The following MAP2K5 variants were observed in gnomAD, a reference collection of about 807,000 sequenced individuals.
MAP2K5 encodes the protein dual specificity mitogen-activated protein kinase kinase 5.
A neutral mutation model predicts 83.1 loss-of-function variants in MAP2K5; 49 were observed. The observed-to-expected ratio is 0.59, with a 90% CI of 0.47 to 0.75. The LOEUF (loss-of-function observed/expected upper bound fraction) is 0.75, where lower values mean the gene tolerates loss of function less well. Ranked by LOEUF, MAP2K5 falls within the 30% of genes least tolerant of loss-of-function variation. MAP2K5 has a pLI of 0.00. For synonymous variants in MAP2K5, 202 were observed against 191.8 expected (o/e 1.05, Z -0.44); for missense variants, 457 against 557.5 (o/e 0.82, Z 1.82).
chr15:67,710,158 C>G (rs2088656626), intron 16 of MAP2K5, among the ~76,000 whole-genome samples: 1 of 152,176 alleles, frequency 6.6e-6, no homozygotes, highest in Non-Finnish European at 1.5e-5. Flanking sequence ...CCGCACCCAT[C>G]TGAAAGCCCC....
intron 13 of MAP2K5, among the ~76,000 whole-genome samples, chr15:67,685,046 A>G (rs11854197): frequency 0.37 from 56,225 of 152,100 alleles, 12,005 homozygotes; most frequent in Non-Finnish European, 0.5. Flanking sequence ...ATTTGAAGAA[A>G]TAATGGCTGA....
At chr15:67,699,950 A>G (rs989717621) in intron 15 of MAP2K5, among the ~76,000 whole-genome samples, 1 of 146,318 alleles carries the variant, frequency 6.8e-6, no homozygotes, top group Non-Finnish European at 1.5e-5. Context: ...CTGTCTGCCT[A>G]CACAGGGATC....
At chr15:67,670,542 A>G (rs1327306845) in intron 13 of MAP2K5, 3 of 444,914 alleles carry the variant, frequency 6.7e-6, no homozygotes, top group East Asian at 1.4e-4. Flanking sequence ...CTCTTCTTAC[A>G]TCTTAGCAGT....
intron 4 of MAP2K5, among the ~76,000 whole-genome samples, chr15:67,585,033 G>C (rs1316861236): frequency 7.5e-6 from 1 of 134,192 alleles, no homozygotes; most frequent in Non-Finnish European, 1.6e-5. Flanking sequence ...TCTATTTCTT[G>C]TTGTCAGAAA....
intron 7 of MAP2K5, among the ~76,000 whole-genome samples, chr15:67,593,497 AC>A (rs2085458518): frequency 6.6e-6 from 1 of 152,172 alleles, no homozygotes; most frequent in Non-Finnish European, 1.5e-5. Flanking sequence ...TGAGGGACAA[AC>A]AAGCCTTCAG....
chr15:67,653,762 G>A (rs2087005570), intron 11 of MAP2K5, among the ~76,000 whole-genome samples: 1 of 151,730 alleles, frequency 6.6e-6, no homozygotes, highest in Non-Finnish European at 1.5e-5. Context: ...TCTGTTTAAG[G>A]TAGCAAGTTA....
chr15:67,555,356 A>G lies in MAP2K5; in HGVS notation c.184+5274A>G, dbSNP rs1034697440. ...ACCAACAGAGTGAGAACCCACTACC[A>G]TAGAGAGGGCACTGAGTCATTCATG... On this transcript the variant is annotated intron_variant, in intron 2 of 21. Transcript: ENST00000178640. The surrounding 1 kb of genome is among the most constrained non-coding windows in gnomAD (Gnocchi z 5.2). 2.0e-5 allele frequency among the ~76,000 whole-genome samples: 3 copies of G among 152,182 alleles called. No individual in the cohort carries two copies. The highest frequency in any genetic ancestry group is 2.9e-5 in the Non-Finnish European group (2 of 68,022).
At position 67,717,782 on chromosome 15, in the gene MAP2K5, A is replaced by G. The variant is rs1056226410; in HGVS notation, c.1045-10134A>G. 2.0e-5 allele frequency among the ~76,000 whole-genome samples: 3 copies of G among 152,052 alleles called. No homozygotes were observed. The highest frequency in any genetic ancestry group is 7.2e-5 in the African/African-American group (3 of 41,406). On this transcript the variant is annotated intron_variant, in intron 16 of 21. Coordinates refer to ENST00000178640, the MANE Select transcript of MAP2K5 (RefSeq NM_145160.3). This position sits in a 1 kb window ranked among gnomAD's most constrained non-coding sequence, Gnocchi z 4.1. ...GGAGTGGCTGGGACCCTCCTCTCCC[A>G]TCTCCCCTTCATGGCTAGCTTAGAC...
chr15:67,544,093 T>G (rs1289049264), intron 1 of MAP2K5, among the ~76,000 whole-genome samples: 1 of 152,222 alleles, frequency 6.6e-6, no homozygotes, highest in African/African-American at 2.4e-5. Context: ...AGAGACGAGG[T>G]ATTGCCATGT....
chr15:67,664,783 A>C (rs1298775349), intron 13 of MAP2K5, 138 bp downstream of exon 13: 4 of 503,472 alleles, frequency 7.9e-6, no homozygotes, highest in African/African-American at 7.8e-5. Flanking sequence ...CTGCTCTATA[A>C]ATGTTATTTT....
At chr15:67,597,610 C>T (rs981955433) in intron 7 of MAP2K5, among the ~76,000 whole-genome samples, 1 of 152,206 alleles carries the variant, frequency 6.6e-6, no homozygotes, top group Non-Finnish European at 1.5e-5. Flanking sequence ...AATGAACACT[C>T]TTCCTATGCT....
intron 16 of MAP2K5, among the ~76,000 whole-genome samples, chr15:67,710,099 C>G (rs996971483): frequency 1.3e-5 from 2 of 152,156 alleles, no homozygotes; most frequent in Non-Finnish European, 2.9e-5. Flanking sequence ...TGGGTTCAAG[C>G]GATCCTCCCT....
At chr15:67,701,326 A>G (rs1407580763) in intron 15 of MAP2K5, among the ~76,000 whole-genome samples, 1 of 152,234 alleles carries the variant, frequency 6.6e-6, no homozygotes, top group East Asian at 1.9e-4. Flanking sequence ...AACATGTATT[A>G]CATTCCTTCA....
rs1156814903 is a variant in MAP2K5 at position 67,778,641 on chromosome 15, G to T, written c.1242+5889G>T. On this transcript the variant is annotated intron_variant, in intron 21 of 21. Coordinates refer to ENST00000178640, the MANE Select transcript of MAP2K5 (RefSeq NM_145160.3). This position sits in a 1 kb window ranked among gnomAD's most constrained non-coding sequence, Gnocchi z 5.0. Reference sequence around the variant, plus strand: ...AAAGATGGAAAAGGATCTTACCTCTGTGAGAGCAGGGTGATCCTTTGCGGT... The same window carrying T: ...AAAGATGGAAAAGGATCTTACCTCTTTGAGAGCAGGGTGATCCTTTGCGGT... Among the ~76,000 whole-genome samples the T allele has an allele frequency of 6.6e-6, 1 of 152,200 alleles. No homozygotes were observed. Among genetic ancestry groups the T allele is most frequent in the Non-Finnish European group, 1.5e-5 (1 of 68,036 alleles).
intron 19 of MAP2K5, among the ~76,000 whole-genome samples, chr15:67,759,112 A>G (rs2089898943): frequency 6.6e-6 from 1 of 152,186 alleles, no homozygotes; most frequent in Admixed American, 6.6e-5. Flanking sequence ...TTTGGCTCTT[A>G]AATGTGTTAT....
At chr15:67,544,725 G>C (rs1191120170) in intron 1 of MAP2K5, among the ~76,000 whole-genome samples, 2 of 152,168 alleles carry the variant, frequency 1.3e-5, no homozygotes, top group African/African-American at 2.4e-5. Flanking sequence ...CAAGGTGGCA[G>C]GATCTTGGGA....
intron 2 of MAP2K5, among the ~76,000 whole-genome samples, chr15:67,554,581 T>C (rs1456139336): frequency 6.6e-6 from 1 of 152,214 alleles, no homozygotes; most frequent in Non-Finnish European, 1.5e-5. Flanking sequence ...AAATGGCGTC[T>C]CTTCAATGAA....
chr15:67,771,880 A>G lies in MAP2K5; in HGVS notation c.1197-827A>G, dbSNP rs540913702. Among the ~76,000 whole-genome samples the G allele has an allele frequency of 2.0e-5, 3 of 152,312 alleles. No individual in the cohort carries two copies. In the East Asian group the frequency reaches 5.8e-4, roughly 29 times the overall value. The stretch of plus-strand genomic sequence containing the variant: ...ATTTTTCCAAGTGATAGAAGCAGCA[A>G]TCTCTTTTCATGACTATCCCATGGA... On this transcript the variant is annotated intron_variant, in intron 20 of 21. Transcript: ENST00000178640.
Position 67,758,168 on chromosome 15 carries a change from T to C in MAP2K5, c.1134+9567T>C, listed in dbSNP as rs774362586. 6.6e-6 allele frequency among the ~76,000 whole-genome samples: 1 copy of C among 152,008 alleles called. No individual in the cohort carries two copies. The highest frequency in any genetic ancestry group is 1.5e-5 in the Non-Finnish European group (1 of 67,996). On this transcript the variant is annotated intron_variant, in intron 19 of 21. Coordinates refer to ENST00000178640, the MANE Select transcript of MAP2K5 (RefSeq NM_145160.3). This position sits in a 1 kb window ranked among gnomAD's most constrained non-coding sequence, Gnocchi z 4.7. ...CTGTGGCAGTGCTGTGGAAGATGGATTAGAAAGGACATTGAAGCTGTAGTT... is the reference window on the plus strand; with the variant it reads ...CTGTGGCAGTGCTGTGGAAGATGGACTAGAAAGGACATTGAAGCTGTAGTT...
Sources: allele counts gnomAD v4.1 joint callset (sites outside exome capture counted in the v4.1 genomes callset), GRCh38; gene constraint gnomAD v4.1.1; non-coding constraint Gnocchi (gnomAD v3.1); transcripts MANE v1.5; gene names NCBI Gene and HGNC (gene_info 2026-07-23, HGNC 2026-07-21).